WWOX: variants seen among roughly 807,000 people sequenced by gnomAD.
The protein encoded by WWOX is WW domain containing oxidoreductase.
WWOX carries 69 observed loss-of-function variants against 46.2 expected under a neutral mutation model. The observed-to-expected ratio is 1.49, with a 90% CI of 1.23 to 1.82. WWOX has a LOEUF of 1.82. Among genes scored for constraint, WWOX ranks in the 40% most tolerant of loss-of-function variants. The pLI, the probability that WWOX is intolerant of heterozygous loss-of-function variation, is 0.00. For synonymous variants in WWOX, 359 were observed against 202.6 expected (o/e 1.77, Z -6.56); for missense variants, 919 against 542.6 (o/e 1.69, Z -6.89).
chr16:78,931,318 A>T (rs2045619976), intron 8 of WWOX, among the ~76,000 whole-genome samples: 1 of 152,172 alleles, frequency 6.6e-6, no homozygotes, highest in South Asian at 2.1e-4. Flanking sequence ...GTAGTCAAAG[A>T]AGGTCTTCTT....
rs58735146 is a variant in WWOX at position 78,469,119 on chromosome 16, G to A, written c.1056+36367G>A. 9.7e-3 allele frequency among the ~76,000 whole-genome samples: 1,478 copies of A among 152,286 alleles called. 20 individuals are homozygous for A. Among genetic ancestry groups the A allele is most frequent in the African/African-American group, 0.034 (1,410 of 41,540 alleles). ...TCAAATGCCATTGAGTCAGATTTCA[G>A]AGGCAAATGGTGATACCTCAGGTTT... On this transcript the variant is annotated intron_variant, in intron 8 of 8. Transcript: ENST00000566780.
At chr16:78,409,897 CTG>C (rs1351179605) in intron 6 of WWOX, among the ~76,000 whole-genome samples, 1 of 152,210 alleles carries the variant, frequency 6.6e-6, no homozygotes, top group Non-Finnish European at 1.5e-5. Context: ...TGTGATGACA[CTG>C]TGCTTACCTA....
chr16:78,872,477 A>G (rs891581295), intron 8 of WWOX, among the ~76,000 whole-genome samples: 1 of 152,144 alleles, frequency 6.6e-6, no homozygotes, highest in African/African-American at 2.4e-5. Context: ...ACAGTGGGGG[A>G]TAAAGGGGCT....
At chr16:79,195,608 A>G (rs2051224600) in intron 8 of WWOX, among the ~76,000 whole-genome samples, 1 of 152,180 alleles carries the variant, frequency 6.6e-6, no homozygotes, top group Middle Eastern at 3.2e-3. Context: ...ACTTCAGGGT[A>G]TATTCATGTA....
intron 8 of WWOX, chr16:78,535,683 C>T (rs1597227848): frequency 6.6e-6 from 1 of 152,338 alleles, no homozygotes; most frequent in Admixed American, 6.5e-5. Context: ...AATCATTAAT[C>T]TCGTCTTCTT....
At chr16:78,815,695 T>A (rs755520408) in intron 8 of WWOX, among the ~76,000 whole-genome samples, 1 of 152,210 alleles carries the variant, frequency 6.6e-6, no homozygotes, top group African/African-American at 2.4e-5. Flanking sequence ...CCCTTCCTGT[T>A]CTTTTAAGGA....
intron 5 of WWOX, among the ~76,000 whole-genome samples, chr16:78,314,673 C>G (rs1445201947): frequency 6.7e-6 from 1 of 148,202 alleles, no homozygotes; most frequent in Non-Finnish European, 1.5e-5. Flanking sequence ...TACAGGCACA[C>G]CCCACCCTGC....
chr16:78,104,013 C>T lies in WWOX; in HGVS notation c.107+4128C>T, dbSNP rs530494818. On this transcript the variant is annotated intron_variant, in intron 1 of 8. Coordinates refer to ENST00000566780, the MANE Select transcript of WWOX (RefSeq NM_016373.4). ...AGAGAGCTGGTGGGCCTTTCTTCTA[C>T]CCCTCTCCCCTCACAGTCTCAGAGC... Among the ~76,000 whole-genome samples, 34 of 152,142 alleles carry T rather than the reference C, an allele frequency of 2.2e-4. No homozygotes were observed. The East Asian group carries it at 4.7e-3, about 21-fold the overall frequency.
chr16:78,801,311 A>G (rs1488329687), intron 8 of WWOX, among the ~76,000 whole-genome samples: 3 of 152,106 alleles, frequency 2.0e-5, no homozygotes. Flanking sequence ...GGAGTTTGAG[A>G]CCACCCTGGC....
chr16:79,014,207 C>A (rs967864909), intron 8 of WWOX, among the ~76,000 whole-genome samples: 2 of 152,174 alleles, frequency 1.3e-5, no homozygotes, highest in South Asian at 4.1e-4. Flanking sequence ...TTTTCAACAT[C>A]TTCCCGAGAT....
rs778465970 is a variant in WWOX, at chr16:78,253,896, C to G, written c.516+89607C>G. On this transcript the variant is annotated intron_variant, in intron 5 of 8. Transcript: ENST00000566780. ...TTCGGCATACACTTCCCACCTCCAG[C>G]CTCGCATTCCCCTGGTACAACTCAA... 2.4e-4 allele frequency among the ~76,000 whole-genome samples: 36 copies of G among 152,114 alleles called. 1 individual carries two copies. Among genetic ancestry groups the G allele is most frequent in the Non-Finnish European group, 4.6e-4 (31 of 68,026 alleles).
chr16:78,863,062 G>T (rs534286129), intron 8 of WWOX, among the ~76,000 whole-genome samples: 1 of 150,932 alleles, frequency 6.6e-6, no homozygotes, highest in Non-Finnish European at 1.5e-5. Context: ...AGGTTCAAGC[G>T]ATTCTCCTGC....
At position 78,183,586 on chromosome 16, in the gene WWOX, G is replaced by A. The variant is rs188539802; in HGVS notation, c.516+19297G>A. 5.9e-5 allele frequency among the ~76,000 whole-genome samples: 9 copies of A among 152,316 alleles called. No homozygotes were observed. In the East Asian group the frequency reaches 1.4e-3, roughly 23 times the overall value. ...GGAGGTATTGCATCCCCGAACCGTA[G>A]GATGCTTGTCAGGATTAAATGAGAT... On this transcript the variant is annotated intron_variant, in intron 5 of 8. Transcript: ENST00000566780.
intron 8 of WWOX, among the ~76,000 whole-genome samples, chr16:78,571,623 C>A (rs1280987542): frequency 1.3e-5 from 2 of 152,156 alleles, no homozygotes; most frequent in African/African-American, 4.8e-5. Flanking sequence ...TATCTCCGCA[C>A]TTAAGGAGTC....
intron 8 of WWOX, among the ~76,000 whole-genome samples, chr16:78,993,670 G>A (rs2046932891): frequency 6.6e-6 from 1 of 152,180 alleles, no homozygotes; most frequent in African/African-American, 2.4e-5. Flanking sequence ...GTCACCGGCG[G>A]CTTTATGTGG....
At chr16:79,047,030 C>G (rs1416184212) in intron 8 of WWOX, among the ~76,000 whole-genome samples, 5 of 152,202 alleles carry the variant, frequency 3.3e-5, no homozygotes, top group Non-Finnish European at 4.4e-5. Context: ...CAGAAATTTG[C>G]AAAGCCATTT....
At chr16:78,873,373 T>G (rs906440775) in intron 8 of WWOX, 4 of 152,240 alleles carry the variant, frequency 2.6e-5, no homozygotes, top group African/African-American at 7.2e-5. Flanking sequence ...TATCTCCTTA[T>G]GCTGATTTTT....
intron 6 of WWOX, among the ~76,000 whole-genome samples, chr16:78,419,764 G>C (rs922447470): frequency 6.7e-6 from 1 of 149,240 alleles, no homozygotes; most frequent in African/African-American, 2.6e-5. Flanking sequence ...AACCCTGACA[G>C]CACAAGTGAC....
chr16:78,469,260 A>G (rs1410735623), intron 8 of WWOX, among the ~76,000 whole-genome samples: 1 of 151,994 alleles, frequency 6.6e-6, no homozygotes, highest in Non-Finnish European at 1.5e-5. Flanking sequence ...CACCTGTAAA[A>G]TATTTAAGAA....
Sources: gnomAD v4.1 joint callset for allele counts (sites outside exome capture counted in the v4.1 genomes callset) on GRCh38, gnomAD v4.1.1 for gene constraint, MANE v1.5 for transcripts, NCBI Gene and HGNC (gene_info 2026-07-23, HGNC 2026-07-21) for gene names.